The following EPB41L4A variants were observed in gnomAD, a reference collection of about 807,000 sequenced individuals.
EPB41L4A encodes the protein erythrocyte membrane protein band 4.1 like 4A.
Under a neutral mutation model 108.6 loss-of-function variants are expected in EPB41L4A, and 100 were observed. The ratio of observed to expected loss-of-function variants is 0.92; its 90% CI spans 0.78 to 1.09. The LOEUF is 1.09. Among genes scored for constraint, EPB41L4A ranks in the 50% least tolerant of loss-of-function variants. The probability of loss-of-function intolerance (pLI) is 0.00; values close to 1 mark genes in which losing one functional copy is unlikely to be tolerated. For missense variants in EPB41L4A, 1,030 were observed against 842.7 expected (o/e 1.22, Z -2.75); for synonymous variants, 319 against 289.0 (o/e 1.10, Z -1.05).
chr5:112,178,373 T>A (rs972623741), intron 18 of EPB41L4A, among the ~76,000 whole-genome samples: 1 of 152,006 alleles, frequency 6.6e-6, no homozygotes, highest in Non-Finnish European at 1.5e-5. Flanking sequence ...GATTTTAACA[T>A]CCCTCTCTCA....
intron 17 of EPB41L4A, among the ~76,000 whole-genome samples, chr5:112,185,486 A>G (rs1202913216): frequency 2.6e-5 from 4 of 152,244 alleles, no homozygotes; most frequent in African/African-American, 9.6e-5. Flanking sequence ...CTTTGTGAGG[A>G]AGAAACTGTT....
At chr5:112,205,843 G>T (rs1257880831) in intron 13 of EPB41L4A, 1 of 224,056 alleles carries the variant, frequency 4.5e-6, no homozygotes, top group Non-Finnish European at 8.8e-6. Flanking sequence ...AAGGAGGAAG[G>T]ACCTGGGCTA....
intron 4 of EPB41L4A, among the ~76,000 whole-genome samples, chr5:112,273,354 A>C (rs943467357): frequency 3.3e-5 from 5 of 152,204 alleles, no homozygotes; most frequent in Non-Finnish European, 5.9e-5. Context: ...ACAAAAATCC[A>C]TGTATTCCGT....
chr5:112,246,583 T>C (rs1320577916), intron 9 of EPB41L4A, among the ~76,000 whole-genome samples: 4 of 152,160 alleles, frequency 2.6e-5, no homozygotes, highest in African/African-American at 9.7e-5. Context: ...GCCTCCCCCA[T>C]ATTTTTCTCA....
intron 1 of EPB41L4A, among the ~76,000 whole-genome samples, chr5:112,412,147 C>A (rs1193099565): frequency 1.3e-5 from 2 of 152,224 alleles, no homozygotes; most frequent in African/African-American, 4.8e-5. Flanking sequence ...CCTTTGCCAT[C>A]TGACCTTTTG....
intron 12 of EPB41L4A, among the ~76,000 whole-genome samples, chr5:112,227,888 T>C (rs150505948): frequency 6.6e-6 from 1 of 152,242 alleles, no homozygotes; most frequent in Non-Finnish European, 1.5e-5. Context: ...CAACAATAGA[T>C]GCTGGTTAGC....
At chr5:112,202,806 T>C (rs1289216575) in intron 15 of EPB41L4A, among the ~76,000 whole-genome samples, 2 of 152,094 alleles carry the variant, frequency 1.3e-5, no homozygotes, top group African/African-American at 4.8e-5. Context: ...GTGTATTAAC[T>C]AGGGCATAGG....
At chr5:112,250,097 G>C (rs895607201) in intron 9 of EPB41L4A, among the ~76,000 whole-genome samples, 6 of 152,014 alleles carry the variant, frequency 3.9e-5, no homozygotes, top group Non-Finnish European at 7.4e-5. Context: ...GTGCATTTCA[G>C]CTCAGCAATT....
chr5:112,260,102 G>T, intron 7 of EPB41L4A, 123 bp from the exon 8 acceptor site: 1 of 724,832 alleles, frequency 1.4e-6, no homozygotes. Context: ...AAAGACATCA[G>T]CCTAGAAAGC....
intron 12 of EPB41L4A, among the ~76,000 whole-genome samples, chr5:112,218,977 A>G (rs1747843302): frequency 6.6e-6 from 1 of 152,260 alleles, no homozygotes; most frequent in Non-Finnish European, 1.5e-5. Flanking sequence ...ATCCAATGTA[A>G]TAAAATACCA....
At chr5:112,245,575 T>C (rs1032654073) in intron 9 of EPB41L4A, among the ~76,000 whole-genome samples, 1 of 152,202 alleles carries the variant, frequency 6.6e-6, no homozygotes, top group African/African-American at 2.4e-5. Flanking sequence ...CATTTTCAGG[T>C]TTCTGGCTCG....
intron 7 of EPB41L4A, among the ~76,000 whole-genome samples, chr5:112,260,353 A>G (rs966535957): frequency 6.6e-6 from 1 of 152,242 alleles, no homozygotes; most frequent in African/African-American, 2.4e-5. Flanking sequence ...AGAAACAGTT[A>G]AATCAGAATC....
At position 112,361,385 on chromosome 5, in the gene EPB41L4A, A is replaced by G. The variant is rs538033983; in HGVS notation, c.100-53895T>C. Among the ~76,000 whole-genome samples the G allele has an allele frequency of 7.2e-4, 109 of 152,358 alleles. 1 individual carries two copies. In the South Asian group the frequency reaches 0.021, roughly 29 times the overall value. ...TACCCAGGGACACAAACACTGCAGA[A>G]GGCGGCAGGGCCCTCTGCCTAGGAA... On this transcript the variant is annotated intron_variant, in intron 1 of 22. Coordinates refer to ENST00000261486, the MANE Select transcript of EPB41L4A (RefSeq NM_022140.5).
At chr5:112,416,615 A>T (rs1762732447) in intron 1 of EPB41L4A, among the ~76,000 whole-genome samples, 1 of 152,164 alleles carries the variant, frequency 6.6e-6, no homozygotes, top group African/African-American at 2.4e-5. Context: ...CTCAAGGAAA[A>T]ACACCATAAT....
intron 1 of EPB41L4A, among the ~76,000 whole-genome samples, chr5:112,395,515 T>C (rs568540082): frequency 7.4e-4 from 112 of 152,324 alleles, no homozygotes; most frequent in African/African-American, 2.6e-3. Context: ...TCACTGGTCA[T>C]CGGAGAAATG....
intron 22 of EPB41L4A, among the ~76,000 whole-genome samples, chr5:112,165,383 A>G (rs189618155): frequency 3.3e-5 from 5 of 152,324 alleles, no homozygotes; most frequent in Admixed American, 3.3e-4. Flanking sequence ...ATTCACCCAA[A>G]TCAGTGTCAT....
At chr5:112,278,254 A>T (rs1403116914) in intron 3 of EPB41L4A, among the ~76,000 whole-genome samples, 3 of 147,384 alleles carry the variant, frequency 2.0e-5, no homozygotes, top group South Asian at 2.2e-4. Flanking sequence ...CTATACATCA[A>T]TTTTTTTTTT....
chr5:112,208,962 G>A (rs981187811), intron 13 of EPB41L4A, among the ~76,000 whole-genome samples: 2 of 152,204 alleles, frequency 1.3e-5, no homozygotes, highest in Non-Finnish European at 2.9e-5. Context: ...AGGAGAACCA[G>A]TAAATGTCTT....
intron 6 of EPB41L4A, chr5:112,264,551 A>C (rs904705958): frequency 1.2e-5 from 2 of 160,064 alleles, no homozygotes; most frequent in African/African-American, 4.8e-5. Context: ...AGACTGCAAA[A>C]TCTAGTATTT....
Sources: allele counts gnomAD v4.1 joint callset (sites outside exome capture counted in the v4.1 genomes callset), GRCh38; gene constraint gnomAD v4.1.1; transcripts MANE v1.5; gene names NCBI Gene and HGNC (gene_info 2026-07-23, HGNC 2026-07-21).